Variants in CNOT4 observed in about 807,000 individuals in gnomAD.
The protein encoded by CNOT4 is CCR4-associated factor 4.
In CNOT4, 8 loss-of-function variants were observed where a neutral mutation model predicts 73.8. That is an observed-to-expected ratio of 0.11 (90% CI 0.06 to 0.20). The LOEUF (loss-of-function observed/expected upper bound fraction) is 0.20. Among genes scored for constraint, CNOT4 ranks in the 10% least tolerant of loss-of-function variants. The probability of loss-of-function intolerance (pLI) is 1.00; values close to 1 mark genes in which losing one functional copy is unlikely to be tolerated. For synonymous variants in CNOT4, 293 were observed against 321.1 expected (o/e 0.91, Z 0.94); for missense variants, 564 against 883.4 (o/e 0.64, Z 4.58).
At chr7:135,400,001 T>C (rs1796918147) in intron 7 of CNOT4, among the ~76,000 whole-genome samples, 1 of 151,986 alleles carries the variant, frequency 6.6e-6, no homozygotes, top group Non-Finnish European at 1.5e-5. Flanking sequence ...AACAATGCCA[T>C]AAATCTTAAG....
At chr7:135,505,941 T>C (rs1339572707) in intron 1 of CNOT4, among the ~76,000 whole-genome samples, 1 of 152,208 alleles carries the variant, frequency 6.6e-6, no homozygotes. Context: ...AATTGTGAAG[T>C]TCTTTTAGAA....
At chr7:135,487,578 G>A (rs1233742993) in intron 1 of CNOT4, among the ~76,000 whole-genome samples, 1 of 152,018 alleles carries the variant, frequency 6.6e-6, no homozygotes, top group East Asian at 1.9e-4. Context: ...GGACTCTTTC[G>A]AGTCGGTAAG....
At chr7:135,398,652 C>T (rs1454647280) in intron 7 of CNOT4, among the ~76,000 whole-genome samples, 1 of 151,972 alleles carries the variant, frequency 6.6e-6, no homozygotes, top group Non-Finnish European at 1.5e-5. Flanking sequence ...AAATCTCTAC[C>T]CTTAAGGAAC....
At chr7:135,479,844 C>A (rs1241387267) in intron 1 of CNOT4, among the ~76,000 whole-genome samples, 2 of 151,964 alleles carry the variant, frequency 1.3e-5, no homozygotes, top group African/African-American at 4.8e-5. Flanking sequence ...AAGCCAAGAT[C>A]GCACCACTGC....
At position 135,363,931 on chromosome 7, in the gene CNOT4, G is replaced by A; in HGVS notation, c.1763C>T (p.Pro588Leu). The change falls in exon 11 of 12, where the codon CCA (proline) becomes CTA (leucine). Residue 588 changes from proline to leucine, a missense_variant. This residue lies in a region of CNOT4 where 53 missense variants were observed against 75.4 expected (regional missense o/e 0.70). Coordinates refer to ENST00000541284, the MANE Select transcript of CNOT4 (RefSeq NM_001190850.2). The surrounding 1 kb of genome is among the most constrained non-coding windows in gnomAD (Gnocchi z 4.3). ...SSPSNANHSA[P>L]TSNTATTDSL... ...GTCGGTGGTGGCAGTGTTGGACGTTGGTGCACTGTGGTTGGCGTTGGAGGG... is the reference window on the plus strand; with the variant it reads ...GTCGGTGGTGGCAGTGTTGGACGTTAGTGCACTGTGGTTGGCGTTGGAGGG... 1 of 1,598,372 alleles carries A rather than the reference G, an allele frequency of 6.3e-7. No individual in the cohort carries two copies. The highest frequency in any genetic ancestry group is 8.5e-7 in the Non-Finnish European group (1 of 1,179,750).
At chr7:135,499,912 T>C (rs1240507814) in intron 1 of CNOT4, among the ~76,000 whole-genome samples, 6 of 152,126 alleles carry the variant, frequency 3.9e-5, no homozygotes, top group Non-Finnish European at 5.9e-5. Flanking sequence ...TCTATTCTAG[T>C]GTTCATTTTC....
At chr7:135,472,581 C>T (rs1348464838) in intron 1 of CNOT4, among the ~76,000 whole-genome samples, 1 of 100,766 alleles carries the variant, frequency 9.9e-6, no homozygotes, top group Admixed American at 1.4e-4. Context: ...ACCATAAGTA[C>T]GTCATAGCAT....
chr7:135,420,317 C>T (rs542277673), intron 3 of CNOT4, among the ~76,000 whole-genome samples: 1 of 152,066 alleles, frequency 6.6e-6, no homozygotes, highest in Admixed American at 6.5e-5. Context: ...TGGCTCATAC[C>T]TGCAATCCCA....
chr7:135,383,384 C>CT (rs5887734), intron 10 of CNOT4, among the ~76,000 whole-genome samples: 152,330 of 152,334 alleles, frequency 1, 76,164 homozygotes, highest in Non-Finnish European at 1. Context: ...CTCACTGGGG[C>CT]TGCTTACTTA....
intron 2 of CNOT4, among the ~76,000 whole-genome samples, chr7:135,435,915 T>C (rs561497623): frequency 1.3e-5 from 2 of 152,238 alleles, no homozygotes; most frequent in East Asian, 1.9e-4. Context: ...CTGTCTCTGC[T>C]ACATGGCACA....
rs1445913280 is a variant in CNOT4 at position 135,415,304 on chromosome 7, T to C, written c.373-42A>G. ...AATAAGGTATAAACTGTCCCCATTT[T>C]AAACAACTTTATCCTTATAATGGAG... On this transcript the variant is annotated intron_variant, in intron 3 of 11. Transcript: ENST00000541284. 3 of 996,536 alleles carry C rather than the reference T, an allele frequency of 3.0e-6. No homozygotes were observed. The Admixed American group carries it at 5.5e-5, about 18-fold the overall frequency. The allele number at this position is 996,536 out of a possible 1,614,324, so 61.7% of individuals were successfully genotyped here. A position where few individuals can be genotyped will look rare whatever the true frequency, so the allele number is the denominator to read the frequency against.
chr7:135,379,792 G>GA (rs1456238387), intron 10 of CNOT4, among the ~76,000 whole-genome samples: 6 of 151,828 alleles, frequency 4.0e-5, no homozygotes, highest in Admixed American at 3.9e-4. Flanking sequence ...TGTAATAAAG[G>GA]AAAAAAATAA....
chr7:135,376,702 TA>T (rs1795539525), intron 10 of CNOT4, among the ~76,000 whole-genome samples: 1 of 152,220 alleles, frequency 6.6e-6, no homozygotes. Flanking sequence ...CAGCACACTT[TA>T]TTTCAATAGT....
intron 1 of CNOT4, among the ~76,000 whole-genome samples, chr7:135,478,312 T>C (rs1459761393): frequency 6.6e-6 from 1 of 152,200 alleles, no homozygotes; most frequent in Non-Finnish European, 1.5e-5. Context: ...CACACATTTA[T>C]GATAGATGTA....
chr7:135,504,347 G>A (rs1341751261), intron 1 of CNOT4, among the ~76,000 whole-genome samples: 6 of 149,582 alleles, frequency 4.0e-5, no homozygotes, highest in Admixed American at 4.0e-4. Context: ...CCAGGCTAGA[G>A]TGCAATGGCG....
chr7:135,399,186 TTGCTTAA>T (rs1392529143), intron 7 of CNOT4, among the ~76,000 whole-genome samples: 1 of 152,024 alleles, frequency 6.6e-6, no homozygotes, highest in African/African-American at 2.4e-5. Context: ...TAGTCATGGG[TTGCTTAA>T]TGATGGGATA....
In CNOT4 at chr7:135,378,373, A is replaced by G. The variant is rs573658169; in HGVS notation, c.1628-14307T>C. Among the ~76,000 whole-genome samples the G allele has an allele frequency of 3.3e-5, 5 of 152,030 alleles. No homozygotes were observed. The East Asian group carries it at 9.7e-4, about 30-fold the overall frequency. The stretch of plus-strand genomic sequence containing the variant: ...ACAAAAATTAGCCAGGCATGGTGGC[A>G]TATGCCTGTAATCCCAGCTATTTGG... On this transcript the variant is annotated intron_variant, in intron 10 of 11. Coordinates refer to ENST00000541284, the MANE Select transcript of CNOT4 (RefSeq NM_001190850.2).
Position 135,456,759 on chromosome 7 carries a change from C to T in CNOT4, c.-92-18336G>A, listed in dbSNP as rs182235989. On this transcript the variant is annotated intron_variant, in intron 1 of 11. Transcript: ENST00000541284. ...ATATTTTTTGTTGTCTCCACCCCAT[C>T]CCCGAAAATTTTCCATCCATGGGTA... Among the ~76,000 whole-genome samples the T allele has an allele frequency of 3.0e-4, 45 of 152,112 alleles. 1 individual carries two copies. Among genetic ancestry groups the T allele is most frequent in the Non-Finnish European group, 5.6e-4 (38 of 67,972 alleles).
At position 135,403,554 on chromosome 7, in the gene CNOT4, G is replaced by A. The variant is rs114558191; in HGVS notation, c.822-5328C>T. Among the ~76,000 whole-genome samples, 681 of 152,082 alleles carry A rather than the reference G, an allele frequency of 4.5e-3. 11 individuals are homozygous for A. Among genetic ancestry groups the A allele is most frequent in the African/African-American group, 0.016 (655 of 41,478 alleles). Reference sequence around the variant, plus strand: ...AGATCACTTGAGCTCGGGAATTAGAGGACAGCCTGGGCAACACAGCAAGAT... The same window carrying A: ...AGATCACTTGAGCTCGGGAATTAGAAGACAGCCTGGGCAACACAGCAAGAT... On this transcript the variant is annotated intron_variant, in intron 7 of 11. Coordinates refer to ENST00000541284, the MANE Select transcript of CNOT4 (RefSeq NM_001190850.2).
Sources: gnomAD v4.1 joint callset for allele counts (sites outside exome capture counted in the v4.1 genomes callset) on GRCh38, gnomAD v4.1.1 for gene constraint, gnomAD v4.1.1 regional missense constraint, Gnocchi (gnomAD v3.1) non-coding constraint, MANE v1.5 for transcripts, NCBI Gene and HGNC (gene_info 2026-07-23, HGNC 2026-07-21) for gene names.